Variants in PMP22 observed in about 807,000 individuals in gnomAD.
The protein encoded by PMP22 is Charcot-Marie-Tooth neuropathy 1A (greatly reduced nerve conduction velocity, hereditary motor sensory neuropathy Ia).
PMP22 carries 2 observed loss-of-function variants against 18.9 expected under a neutral mutation model. The observed-to-expected ratio is 0.11, with a 90% CI of 0.04 to 0.33. The LOEUF (loss-of-function observed/expected upper bound fraction) is 0.33, where lower values mean the gene tolerates loss of function less well. Among genes scored for constraint, PMP22 ranks in the 10% least tolerant of loss-of-function variants. PMP22 has a pLI of 1.00. For missense variants in PMP22, 169 were observed against 202.2 expected, an observed-to-expected ratio of 0.84 and a Z score of 1.00; for synonymous variants, 95 against 89.2, an observed-to-expected ratio of 1.07 and a Z score of -0.37.
intron 3 of PMP22, among the ~76,000 whole-genome samples, chr17:15,255,571 C>A (rs1908748962): frequency 6.6e-6 from 1 of 152,168 alleles, no homozygotes. Context: ...TTCCAGACTT[C>A]TTTGAAAAGA....
chr17:15,235,789 C>A (rs1391976765), intron 4 of PMP22, among the ~76,000 whole-genome samples: 1 of 151,726 alleles, frequency 6.6e-6, no homozygotes, highest in Non-Finnish European at 1.5e-5. Flanking sequence ...CTTACTCTGT[C>A]ACCCCCAGGC....
chr17:15,252,172 AG>A lies in PMP22; in HGVS notation c.178+6921del, dbSNP rs535087198. ...CCGTGTTTTCTAAAATCTGGCCAAAAGCTGAGCCACAGACAAGGAAATTGTC... is the reference window on the plus strand; with the variant it reads ...CCGTGTTTTCTAAAATCTGGCCAAAACTGAGCCACAGACAAGGAAATTGTC... On this transcript the variant is annotated intron_variant, in intron 3 of 4. Transcript: ENST00000312280. Among the ~76,000 whole-genome samples the A allele has an allele frequency of 2.7e-3, 406 of 152,294 alleles. 10 individuals carry two copies. Among genetic ancestry groups the A allele is most frequent in the Admixed American group, 0.025 (381 of 15,306 alleles).
chr17:15,243,029 CA>C (rs1233259602), intron 3 of PMP22, among the ~76,000 whole-genome samples: 13 of 151,968 alleles, frequency 8.6e-5, no homozygotes, highest in African/African-American at 2.7e-4. Context: ...GGGTTGTAAC[CA>C]AAGCAGTTCT....
intron 1 of PMP22, among the ~76,000 whole-genome samples, chr17:15,264,214 G>A (rs972003196): frequency 1.0e-5 from 1 of 99,112 alleles, no homozygotes; most frequent in African/African-American, 4.7e-5. Context: ...ACTCTGATAG[G>A]TAGGTAGGTA....
intron 2 of PMP22, among the ~76,000 whole-genome samples, chr17:15,259,951 AAAAAGAAAAG>A (rs1389539014): frequency 4.0e-5 from 6 of 151,434 alleles, no homozygotes; most frequent in South Asian, 2.1e-4. Context: ...AAAAAAAAAA[AAAAAGAAAAG>A]AAAAGAAAAG....
chr17:15,263,514 G>C (rs533606795), intron 1 of PMP22, among the ~76,000 whole-genome samples: 1 of 152,020 alleles, frequency 6.6e-6, no homozygotes. Context: ...CTTGAGGCAC[G>C]GGACAGGGAG....
intron 1 of PMP22, among the ~76,000 whole-genome samples, chr17:15,264,233 G>C (rs1320220549): frequency 1.1e-5 from 1 of 95,020 alleles, no homozygotes; most frequent in African/African-American, 5.5e-5. Context: ...TAGGTAGGTA[G>C]ATAGATAGAT....
intron 3 of PMP22, among the ~76,000 whole-genome samples, chr17:15,246,318 T>G (rs1351611504): frequency 6.6e-6 from 1 of 152,232 alleles, no homozygotes; most frequent in Non-Finnish European, 1.5e-5. Flanking sequence ...AAGATGTAAA[T>G]GAGTGGGTGT....
chr17:15,262,617 G>A (rs1369388433), intron 1 of PMP22: 1 of 152,498 alleles, frequency 6.6e-6, no homozygotes, highest in African/African-American at 2.4e-5. Flanking sequence ...CTGCAGTAGG[G>A]TGTGTCCCTG....
chr17:15,263,430 GGA>G (rs1421894373), intron 1 of PMP22, among the ~76,000 whole-genome samples: 1 of 152,148 alleles, frequency 6.6e-6, no homozygotes, highest in African/African-American at 2.4e-5. Context: ...AGCGTTACAG[GGA>G]GAGAGGCTAG....
chr17:15,257,307 T>G (rs1908921491), intron 3 of PMP22, among the ~76,000 whole-genome samples: 1 of 152,230 alleles, frequency 6.6e-6, no homozygotes, highest in South Asian at 2.1e-4. Flanking sequence ...ATTGCTTTCT[T>G]TCCTGCAGAT....
In PMP22 at chr17:15,231,036, G is replaced by A; in HGVS notation, c.364C>T (p.Pro122Ser). ...TAATCCGAGTTGAGATGCCACTCCG[G>A]GTGCCTCACCGTGTAGATGGCCGCA... ...SAAAIYTVRH[P>S]EWHLNSDYSY... The change falls in exon 5 of 5, where the codon CCG becomes TCG. Residue 122 changes from proline to serine, a missense_variant. Physicochemically the swap from Pro to Ser is moderately conservative, Grantham distance 74 (BLOSUM62 -1). Coordinates refer to ENST00000312280, the MANE Select transcript of PMP22 (RefSeq NM_000304.4). 6.2e-7 allele frequency: 1 copy of A among 1,614,090 alleles called. No homozygotes were observed. Among genetic ancestry groups the A allele is most frequent in the African/African-American group, 1.3e-5 (1 of 75,052 alleles).
chr17:15,241,182 ATTTC>A (rs112786072), intron 3 of PMP22, among the ~76,000 whole-genome samples: 6,942 of 152,050 alleles, frequency 0.046, 527 homozygotes, highest in African/African-American at 0.16. Context: ...CATTTTTTCA[ATTTC>A]TTTGTCAATT....
intron 1 of PMP22, among the ~76,000 whole-genome samples, chr17:15,264,563 A>G (rs1909586495): frequency 6.6e-6 from 1 of 152,244 alleles, no homozygotes; most frequent in African/African-American, 2.4e-5. Flanking sequence ...ACACATACAG[A>G]AAAGTGCATA....
intron 4 of PMP22, among the ~76,000 whole-genome samples, chr17:15,232,894 T>C (rs890211253): frequency 7.2e-5 from 11 of 152,344 alleles, no homozygotes; most frequent in Non-Finnish European, 1.6e-4. Flanking sequence ...ACTTTCATCT[T>C]AGTAGAATCT....
intron 3 of PMP22, among the ~76,000 whole-genome samples, chr17:15,247,341 C>G (rs568203328): frequency 3.3e-4 from 51 of 152,290 alleles, no homozygotes; most frequent in South Asian, 1.7e-3. Flanking sequence ...TGCACTCCAG[C>G]CTGGGCGACA....
In PMP22 at chr17:15,258,514, C is replaced by G. The variant is rs1184757623; in HGVS notation, c.178+580G>C. 6.6e-6 allele frequency among the ~76,000 whole-genome samples: 1 copy of G among 152,110 alleles called. No individual in the cohort carries two copies. Among genetic ancestry groups the G allele is most frequent in the Non-Finnish European group, 1.5e-5 (1 of 68,024 alleles). On this transcript the variant is annotated intron_variant, in intron 3 of 4. Coordinates refer to ENST00000312280, the MANE Select transcript of PMP22 (RefSeq NM_000304.4). The surrounding 1 kb of genome is among the most constrained non-coding windows in gnomAD (Gnocchi z 4.1). ...ATACGATCTTCTGGATTAAGGACCC[C>G]AAGGCTTAGCTTAGGGTTTTGCAAA...
rs1470706041 is a variant in PMP22, at chr17:15,230,855, C to G, written c.*62G>C. The G allele has an allele frequency of 6.3e-7, 1 of 1,575,802 alleles. No homozygotes were observed. Among genetic ancestry groups the G allele is most frequent in the East Asian group, 2.2e-5 (1 of 44,674 alleles). On this transcript the variant is annotated 3_prime_UTR_variant, in exon 5 of 5. Coordinates refer to ENST00000312280, the MANE Select transcript of PMP22 (RefSeq NM_000304.4). ...TAGCTCTTTTTTCTTTGTCTGCTTT[C>G]TGTTTTCCCTTCCTCCCTTCCCTAT...
At chr17:15,257,186 T>C (rs1908908269) in intron 3 of PMP22, among the ~76,000 whole-genome samples, 1 of 152,222 alleles carries the variant, frequency 6.6e-6, no homozygotes, top group Non-Finnish European at 1.5e-5. Flanking sequence ...AGAAGTTTCC[T>C]GATTAAAATA....
Sources: allele counts gnomAD v4.1 joint callset (sites outside exome capture counted in the v4.1 genomes callset), GRCh38; gene constraint gnomAD v4.1.1; non-coding constraint Gnocchi (gnomAD v3.1); transcripts MANE v1.5; gene names NCBI Gene and HGNC (gene_info 2026-07-23, HGNC 2026-07-21).